Variants in DOCK4 observed in about 807,000 individuals in gnomAD.
DOCK4 encodes dedicator of cytokinesis 4.
In DOCK4, 97 loss-of-function variants were observed where a neutral mutation model predicts 268.1. The observed-to-expected ratio is 0.36, with a 90% confidence interval of 0.31 to 0.43. The LOEUF (loss-of-function observed/expected upper bound fraction) is 0.43, where lower values mean the gene tolerates loss of function less well. DOCK4 is among the 20% of genes least tolerant of loss of function. The pLI, the probability that DOCK4 is intolerant of heterozygous loss-of-function variation, is 1.00. For missense variants in DOCK4, 2,145 were observed against 2,455.7 expected, an observed-to-expected ratio of 0.87 and a Z score of 2.67; for synonymous variants, 954 against 887.2, an observed-to-expected ratio of 1.08 and a Z score of -1.34.
At chr7:112,108,002 T>C (rs1304471721) in intron 1 of DOCK4, among the ~76,000 whole-genome samples, 1 of 152,170 alleles carries the variant, frequency 6.6e-6, no homozygotes, top group African/African-American at 2.4e-5. Context: ...GCAACAACAA[T>C]AACTATTTCA....
At chr7:111,784,303 T>C in intron 32 of DOCK4, 180 bp from the exon 33 acceptor site, 3 of 759,922 alleles carry the variant, frequency 3.9e-6, no homozygotes, top group South Asian at 1.5e-5. Context: ...CAAATAACAC[T>C]GCAAAAAGCA....
intron 1 of DOCK4, among the ~76,000 whole-genome samples, chr7:112,140,420 T>C (rs933212266): frequency 2.0e-5 from 3 of 152,176 alleles, no homozygotes; most frequent in Admixed American, 2.0e-4. Flanking sequence ...AGATTAAAAC[T>C]GTGAGGCTGA....
At chr7:112,102,995 G>A (rs1271743433) in intron 1 of DOCK4, among the ~76,000 whole-genome samples, 10 of 152,268 alleles carry the variant, frequency 6.6e-5, no homozygotes, top group Admixed American at 3.9e-4. Flanking sequence ...TTTAAAAAAT[G>A]TTTAAGAGTT....
chr7:111,742,698 A>C (rs1276602976), intron 44 of DOCK4, among the ~76,000 whole-genome samples: 4 of 152,200 alleles, frequency 2.6e-5, no homozygotes, highest in Non-Finnish European at 1.5e-5. Flanking sequence ...TTTTTGTTTA[A>C]AAAGATTATT....
chr7:111,885,468 C>T (rs1807760661), intron 16 of DOCK4, among the ~76,000 whole-genome samples: 1 of 152,154 alleles, frequency 6.6e-6, no homozygotes, highest in Admixed American at 6.6e-5. Flanking sequence ...TACTAGAGAA[C>T]TCGTTTTCTT....
chr7:112,125,409 T>C (rs1400758000), intron 1 of DOCK4, among the ~76,000 whole-genome samples: 24 of 152,234 alleles, frequency 1.6e-4, no homozygotes, highest in Admixed American at 1.6e-3. Flanking sequence ...CATTGACCTG[T>C]AGACAAAGCT....
chr7:111,854,706 C>T (rs992118791), intron 23 of DOCK4, among the ~76,000 whole-genome samples: 1 of 152,144 alleles, frequency 6.6e-6, no homozygotes, highest in Non-Finnish European at 1.5e-5. Flanking sequence ...GCTACTGTAT[C>T]CCGATCCCTA....
chr7:112,048,389 C>CAAAAAAA (rs59810546), intron 1 of DOCK4, among the ~76,000 whole-genome samples: 14 of 72,128 alleles, frequency 1.9e-4, no homozygotes, highest in East Asian at 3.8e-4. Flanking sequence ...ACTAAAAATA[C>CAAAAAAA]AAAAAAAAAA....
At chr7:111,950,287 T>C (rs1024756656) in intron 8 of DOCK4, among the ~76,000 whole-genome samples, 1 of 152,242 alleles carries the variant, frequency 6.6e-6, no homozygotes, top group African/African-American at 2.4e-5. Context: ...CAAACTTTTG[T>C]GGCCACACAG....
chr7:112,007,274 A>G (rs1562985286), intron 1 of DOCK4, among the ~76,000 whole-genome samples: 1 of 152,100 alleles, frequency 6.6e-6, no homozygotes, highest in Admixed American at 6.5e-5. Flanking sequence ...ATCTTTCAAG[A>G]GCCAGCATGA....
At chr7:111,996,247 T>A (rs1653423121) in intron 4 of DOCK4, among the ~76,000 whole-genome samples, 1 of 152,220 alleles carries the variant, frequency 6.6e-6, no homozygotes, top group Admixed American at 6.5e-5. Context: ...CAATTCAGTC[T>A]GTGAGAAGTT....
chr7:112,077,983 G>A (rs998500630), intron 1 of DOCK4, among the ~76,000 whole-genome samples: 1 of 152,034 alleles, frequency 6.6e-6, no homozygotes, highest in African/African-American at 2.4e-5. Flanking sequence ...ACAAGCCTAA[G>A]TGAGTAAAAT....
chr7:112,157,876 G>A (rs17159309), intron 1 of DOCK4, among the ~76,000 whole-genome samples: 18,518 of 152,152 alleles, frequency 0.12, 1,346 homozygotes, highest in Non-Finnish European at 0.16. Flanking sequence ...CAATGACAAT[G>A]ATTTTAAGCA....
intron 7 of DOCK4, among the ~76,000 whole-genome samples, chr7:111,980,830 C>T (rs550763805): frequency 6.6e-6 from 1 of 152,312 alleles, no homozygotes; most frequent in East Asian, 1.9e-4. Flanking sequence ...GCAGAGTAAG[C>T]AGATGCATGA....
rs189759510 is a variant in DOCK4, at chr7:111,915,876, G to A, written c.1095C>T (p.His365=). 1.8e-5 allele frequency: 29 copies of A among 1,612,044 alleles called. No homozygotes were observed. Among genetic ancestry groups the A allele is most frequent in the South Asian group, 3.3e-5 (3 of 90,604 alleles). The stretch of plus-strand genomic sequence containing the variant: ...CCCTTCTGATTTGTTCAATGTCTCC[G>A]TGCAATAGCTGTAAGGAAACTGCTA... The part of the protein sequence containing the change: ...AGLAVSLQLL[H]GDIEQIRREY... The change falls in exon 13 of 53, where the codon CAC becomes CAT. Residue 365 remains histidine (H), a synonymous_variant. Transcript: ENST00000428084.
chr7:111,934,436 A>C (rs907047169), intron 12 of DOCK4, among the ~76,000 whole-genome samples: 1 of 151,702 alleles, frequency 6.6e-6, no homozygotes, highest in Admixed American at 6.6e-5. Context: ...TTTTTAGCCA[A>C]CTTCAATGTG....
At chr7:112,148,390 G>A (rs1815717608) in intron 1 of DOCK4, among the ~76,000 whole-genome samples, 1 of 152,086 alleles carries the variant, frequency 6.6e-6, no homozygotes, top group Non-Finnish European at 1.5e-5. Context: ...CTCCTGGTCA[G>A]AATAATGTTT....
intron 25 of DOCK4, among the ~76,000 whole-genome samples, chr7:111,844,314 A>T (rs1257679879): frequency 1.3e-5 from 2 of 152,158 alleles, no homozygotes; most frequent in Non-Finnish European, 2.9e-5. Flanking sequence ...CAACCTTCTC[A>T]TTTCCTAGCT....
At chr7:112,097,092 A>C (rs1485438076) in intron 1 of DOCK4, among the ~76,000 whole-genome samples, 1 of 152,216 alleles carries the variant, frequency 6.6e-6, no homozygotes, top group Non-Finnish European at 1.5e-5. Flanking sequence ...AAGAGAAGAA[A>C]CTAAGTTAAT....
Sources: gnomAD v4.1 joint callset for allele counts (sites outside exome capture counted in the v4.1 genomes callset) on GRCh38, gnomAD v4.1.1 for gene constraint, MANE v1.5 for transcripts, NCBI Gene and HGNC (gene_info 2026-07-23, HGNC 2026-07-21) for gene names.